CMYA5: variants seen among roughly 807,000 people sequenced by gnomAD.
CMYA5 encodes cardiomyopathy-associated protein 5.
A neutral mutation model predicts 318.9 loss-of-function variants in CMYA5; 246 were observed. The observed-to-expected ratio is 0.77, with a 90% CI of 0.70 to 0.86. The LOEUF (loss-of-function observed/expected upper bound fraction) is 0.86, where lower values mean the gene tolerates loss of function less well. Ranked by LOEUF, CMYA5 falls within the 40% of genes least tolerant of loss-of-function variation. The pLI, the probability that CMYA5 is intolerant of heterozygous loss-of-function variation, is 0.00. For synonymous variants in CMYA5, 1,641 were observed against 1,729.5 expected, an observed-to-expected ratio of 0.95 and a Z score of 1.27; for missense variants, 4,589 against 4,678.2, an observed-to-expected ratio of 0.98 and a Z score of 0.56.
intron 9 of CMYA5, among the ~76,000 whole-genome samples, chr5:79,775,866 G>A (rs1047915775): frequency 2.6e-5 from 4 of 152,156 alleles, no homozygotes; most frequent in Non-Finnish European, 5.9e-5. Context: ...GTAAAGGAGG[G>A]CCTAGAGAAT....
chr5:79,733,851 G>A lies in CMYA5; in HGVS notation c.5086G>A (p.Ala1696Thr), dbSNP rs771909157. ...RELCASSTMP[A>T]ISELSSLLRE... ...GCTTTGTGCATCTTCTACGATGCCT[G>A]CAATTTCAGAGCTTTCATCATTGCT... The change falls in exon 2 of 13, where the codon GCA becomes ACA. Residue 1696 changes from alanine to threonine, a missense_variant. Transcript: ENST00000446378. The A allele has an allele frequency of 2.5e-6, 4 of 1,613,622 alleles. No homozygotes were observed. The East Asian group carries it at 6.7e-5, about 27-fold the overall frequency.
intron 9 of CMYA5, among the ~76,000 whole-genome samples, chr5:79,784,960 C>T (rs1281815295): frequency 6.6e-6 from 1 of 152,032 alleles, no homozygotes; most frequent in Non-Finnish European, 1.5e-5. Context: ...TTTTTAAAAA[C>T]TAGGTATTTT....
intron 2 of CMYA5, among the ~76,000 whole-genome samples, chr5:79,740,605 G>T (rs777314436): frequency 5.9e-5 from 9 of 151,648 alleles, no homozygotes; most frequent in Non-Finnish European, 1.0e-4. Context: ...ATTCTTTCTG[G>T]CTATGTCTGT....
In CMYA5 at chr5:79,738,567, G is replaced by A. The variant is rs538630573; in HGVS notation, c.9802G>A (p.Gly3268Ser). 2 of 1,613,466 alleles carry A rather than the reference G, an allele frequency of 1.2e-6. No individual in the cohort carries two copies. The highest frequency in any genetic ancestry group is 1.3e-5 in the African/African-American group (1 of 75,018). Reference protein sequence around the residue: ...QGQGLEEKRVGKDDSYQPIAA... With the variant: ...QGQGLEEKRVSKDDSYQPIAA... ...CCAAGGTCTGGAAGAAAAACGAGTT[G>A]GTAAGGATGATTCATACCAACCGAT... The change falls in exon 2 of 13, where the codon GGT (glycine) becomes AGT (serine). Residue 3268 changes from glycine to serine, a missense_variant. Gly to Ser is a moderately conservative substitution (Grantham distance 56, BLOSUM62 0). Coordinates refer to ENST00000446378, the MANE Select transcript of CMYA5 (RefSeq NM_153610.5).
chr5:79,735,823 C>T lies in CMYA5; in HGVS notation c.7058C>T (p.Pro2353Leu). ...SKRVQKPAIAPPSKWNISIFK... is the reference protein window; with the variant it reads ...SKRVQKPAIALPSKWNISIFK... ...AGAGTCCAGAAGCCAGCAATCGCTC[C>T]TCCATCTAAATGGAATATTTCTATT... The change falls in exon 2 of 13, where the codon CCT becomes CTT. Residue 2353 changes from proline to leucine, a missense_variant. Physicochemically the swap from Pro to Leu is moderately conservative, Grantham distance 98. This residue lies in a region of CMYA5 where 2,431 missense variants were observed against 2,495.1 expected (regional missense o/e 0.97). Transcript: ENST00000446378. 6.4e-7 allele frequency: 1 copy of T among 1,550,602 alleles called. No homozygotes were observed. Among genetic ancestry groups the T allele is most frequent in the Non-Finnish European group, 8.6e-7 (1 of 1,157,094 alleles).
Position 79,737,587 on chromosome 5 carries a change from A to C in CMYA5, c.8822A>C (p.Lys2941Thr), listed in dbSNP as rs1232913774. 1.2e-6 allele frequency: 2 copies of C among 1,613,658 alleles called. No individual in the cohort carries two copies. The highest frequency in any genetic ancestry group is 1.7e-6 in the Non-Finnish European group (2 of 1,179,832). The change falls in exon 2 of 13, where the codon AAG becomes ACG. Residue 2941 changes from lysine (K) to threonine (T), a missense_variant. Coordinates refer to ENST00000446378, the MANE Select transcript of CMYA5 (RefSeq NM_153610.5). ...CCAGCCGGACTTTCAGAAGATCAGA[A>C]GACTGCCTTTAGTATCATTTCTGAA... The part of the protein sequence containing the change: ...SKPAGLSEDQ[K>T]TAFSIISEGC...
Position 79,799,857 on chromosome 5 carries a change from TTCTTTCCTA to T in CMYA5, c.*242_*250del. 3.6e-6 allele frequency: 1 copy of T among 280,254 alleles called. No homozygotes were observed. The highest frequency in any genetic ancestry group is 6.5e-6 in the Non-Finnish European group (1 of 152,980). The allele number at this position is 280,254 out of a possible 1,614,324, so 17.4% of individuals were successfully genotyped here. A position where few individuals can be genotyped will look rare whatever the true frequency, so the allele number is the denominator to read the frequency against. On this transcript the variant is annotated 3_prime_UTR_variant, in exon 13 of 13. Transcript: ENST00000446378. ...ACTCTTTAGTTTATATAAGTTTGAG[TTCTTTCCTA>T]AATTAAAAGATCTACACTTGAGTTG...
intron 1 of CMYA5, among the ~76,000 whole-genome samples, chr5:79,721,332 T>TA (rs1331359578): frequency 2.0e-5 from 3 of 150,866 alleles, no homozygotes; most frequent in Admixed American, 6.6e-5. Context: ...TTTTAAAAAA[T>TA]AAAAAAACAA....
intron 12 of CMYA5, among the ~76,000 whole-genome samples, chr5:79,798,657 C>T (rs765175996): frequency 3.9e-5 from 6 of 152,118 alleles, no homozygotes; most frequent in Non-Finnish European, 7.3e-5. Flanking sequence ...GTATGGGATC[C>T]CAGAGGGCAA....
intron 9 of CMYA5, among the ~76,000 whole-genome samples, chr5:79,775,934 C>T (rs534028407): frequency 1.3e-5 from 2 of 152,220 alleles, no homozygotes; most frequent in Non-Finnish European, 2.9e-5. Flanking sequence ...ATAAATGATA[C>T]CATTCAGCCT....
chr5:79,761,707 T>C, intron 7 of CMYA5, 104 bp from the exon 8 acceptor site: 1 of 1,245,096 alleles, frequency 8.0e-7, no homozygotes, highest in Non-Finnish European at 1.1e-6. Context: ...GGTTATCAGT[T>C]TGCATTTTCC....
At chr5:79,693,452 C>T (rs900946876) in intron 1 of CMYA5, among the ~76,000 whole-genome samples, 2 of 151,792 alleles carry the variant, frequency 1.3e-5, no homozygotes, top group African/African-American at 2.4e-5. Context: ...GTGATCCTCC[C>T]ATCTCAGCCT....
At chr5:79,690,337 C>G (rs947227417) in intron 1 of CMYA5, among the ~76,000 whole-genome samples, 1 of 152,100 alleles carries the variant, frequency 6.6e-6, no homozygotes, top group Non-Finnish European at 1.5e-5. Flanking sequence ...GCATAACTGC[C>G]GAAATGTGCT....
intron 2 of CMYA5, 143 bp downstream of exon 2, chr5:79,739,546 C>A: frequency 1.4e-6 from 1 of 705,576 alleles, no homozygotes; most frequent in Non-Finnish European, 2.1e-6. Flanking sequence ...AAGAATATTT[C>A]TCCAAGAATT....
Position 79,733,943 on chromosome 5 carries a change from A to G in CMYA5, c.5178A>G (p.Lys1726=). The G allele has an allele frequency of 1.2e-6, 2 of 1,613,494 alleles. No homozygotes were observed. The highest frequency in any genetic ancestry group is 1.7e-6 in the Non-Finnish European group (2 of 1,179,808). ...FSPKIISLES[K]EPPASVAEGG... ...CCAAGATCATCAGCCTAGAGTCGAA[A>G]GAACCACCTGCCTCTGTAGCTGAAG... Residue 1726 remains lysine, a synonymous_variant, in exon 2 of 13, where the codon AAA becomes AAG. Transcript: ENST00000446378.
In CMYA5 at chr5:79,738,605, G is replaced by A. The variant is rs1343942409; in HGVS notation, c.9840G>A (p.Gly3280=). 2.5e-6 allele frequency: 4 copies of A among 1,613,774 alleles called. No homozygotes were observed. Among genetic ancestry groups the A allele is most frequent in the East Asian group, 2.2e-5 (1 of 44,878 alleles). ...DDSYQPIAAE[G]EIWGKFGTIC... is the part of the protein sequence containing the mutation. ...CATACCAACCGATAGCTGCAGAAGG[G>A]GAAATTTGGGGAAAGTTTGGAACTA... is the stretch of plus-strand genomic sequence containing the variant. The change falls in exon 2 of 13, where the codon GGG becomes GGA. Residue 3280 remains glycine (G), a synonymous_variant. Coordinates refer to ENST00000446378, the MANE Select transcript of CMYA5 (RefSeq NM_153610.5).
At chr5:79,747,161 C>A in intron 5 of CMYA5, 48 bp downstream of exon 5, 1 of 1,501,618 alleles carries the variant, frequency 6.7e-7, no homozygotes, top group African/African-American at 1.4e-5. Context: ...TGACTGGATG[C>A]TTGCTTTTTA....
chr5:79,705,083 CT>C (rs200640563), intron 1 of CMYA5, among the ~76,000 whole-genome samples: 3,219 of 152,152 alleles, frequency 0.021, 114 homozygotes, highest in African/African-American at 0.072. Context: ...CCAGCCGGGC[CT>C]AGTATGGTGA....
chr5:79,794,236 T>TA (rs1341464563), intron 12 of CMYA5, among the ~76,000 whole-genome samples: 3 of 152,228 alleles, frequency 2.0e-5, no homozygotes, highest in Non-Finnish European at 4.4e-5. Context: ...CTCTTTTGTT[T>TA]ATGTATTGTA....
Sources: gnomAD v4.1 joint callset for allele counts (sites outside exome capture counted in the v4.1 genomes callset) on GRCh38, gnomAD v4.1.1 for gene constraint, gnomAD v4.1.1 regional missense constraint, MANE v1.5 for transcripts, NCBI Gene and HGNC (gene_info 2026-07-23, HGNC 2026-07-21) for gene names.